The following WDR46 variants were observed in gnomAD, a reference collection of about 807,000 sequenced individuals.
WDR46 encodes the protein WD repeat-containing protein 46.
WDR46 carries 58 observed loss-of-function variants against 74.7 expected under a neutral mutation model. The ratio of observed to expected loss-of-function variants is 0.78; its 90% CI spans 0.63 to 0.97. The LOEUF (loss-of-function observed/expected upper bound fraction) is 0.97. WDR46 is among the 50% of genes least tolerant of loss of function. The pLI, the probability that WDR46 is intolerant of heterozygous loss-of-function variation, is 0.00. For missense variants in WDR46, 702 were observed against 790.1 expected, an observed-to-expected ratio of 0.89 and a Z score of 1.34; for synonymous variants, 278 against 297.3, an observed-to-expected ratio of 0.93 and a Z score of 0.67.
chr6:33,280,895 C>T lies in WDR46; in HGVS notation c.1208G>A (p.Gly403Glu). 6.2e-7 allele frequency: 1 copy of T among 1,614,222 alleles called. No homozygotes were observed. Among genetic ancestry groups the T allele is most frequent in the Non-Finnish European group, 8.5e-7 (1 of 1,180,038 alleles). Reference sequence around the variant, plus strand: ...CTGGGAGAAGGCCAGGTGCCCTGCTCCATGGGGCAGGGTCCGAGTGCTCAG... The same window carrying T: ...CTGGGAGAAGGCCAGGTGCCCTGCTTCATGGGGCAGGGTCCGAGTGCTCAG... ...QPLSTRTLPH[G>E]AGHLAFSQRG... The change falls in exon 11 of 15, where the codon GGA (glycine) becomes GAA (glutamate). Residue 403 changes from glycine to glutamate, a missense_variant. Gly to Glu is a moderately conservative substitution (Grantham distance 98). Transcript: ENST00000374617.
rs766244361 is a variant in WDR46, at chr6:33,288,699, G to A, written c.280-5C>T. 1 of 1,613,330 alleles carries A rather than the reference G, an allele frequency of 6.2e-7. No homozygotes were observed. Among genetic ancestry groups the A allele is most frequent in the East Asian group, 2.2e-5 (1 of 44,874 alleles). Reference sequence around the variant, plus strand: ...GCCTGGGAATGGATCTTGGGTCTAGGGGAAAGGAGGACGCAATTAGCAGAC... The same window carrying A: ...GCCTGGGAATGGATCTTGGGTCTAGAGGAAAGGAGGACGCAATTAGCAGAC... On this transcript the variant is annotated splice_region_variant and splice_polypyrimidine_tract_variant and intron_variant, in intron 2 of 14. Coordinates refer to ENST00000374617, the MANE Select transcript of WDR46 (RefSeq NM_005452.6).
intron 10 of WDR46, among the ~76,000 whole-genome samples, chr6:33,283,223 C>A (rs957328058): frequency 3.3e-5 from 5 of 151,476 alleles, no homozygotes; most frequent in African/African-American, 1.2e-4. Flanking sequence ...AAAAAAGATA[C>A]AATTATGCAA....
chr6:33,287,758 G>C, intron 6 of WDR46, 40 bp from the exon 7 acceptor site: 1 of 1,606,924 alleles, frequency 6.2e-7, no homozygotes, highest in East Asian at 2.2e-5. Flanking sequence ...TAAGGCAGGG[G>C]ACCACCGACT....
chr6:33,279,337 T>A lies in WDR46; in HGVS notation c.1772A>T (p.Lys591Met). 1 of 1,614,246 alleles carries A rather than the reference T, an allele frequency of 6.2e-7. No homozygotes were observed. Among genetic ancestry groups the A allele is most frequent in the Non-Finnish European group, 8.5e-7 (1 of 1,180,048 alleles). ...CCCCGTGGGCTTGGCCTTCGCCTCC[T>A]TATGATGCTGCTGCTGAAGGCTCTG... ...VRQSLQQQHH[K>M]EAKAKPTGAR... is the part of the protein sequence containing the mutation. Residue 591 changes from lysine (K) to methionine (M), a missense_variant, in exon 15 of 15, where the codon AAG becomes ATG. Physicochemically the swap from Lys to Met is moderately conservative, Grantham distance 95. Transcript: ENST00000374617.
At chr6:33,286,753 C>T in intron 10 of WDR46, 42 bp downstream of exon 10, 1 of 1,583,188 alleles carries the variant, frequency 6.3e-7, no homozygotes, top group Non-Finnish European at 8.6e-7. Context: ...CACCTTTCTG[C>T]CCACCTATGA....
rs1766036552 is a variant in WDR46 at position 33,280,311 on chromosome 6, G to A, written c.1524+117C>T. The A allele has an allele frequency of 3.8e-6, 4 of 1,063,958 alleles. 1 individual carries two copies. Among genetic ancestry groups the A allele is most frequent in the Non-Finnish European group, 5.5e-6 (4 of 726,884 alleles). 65.9% of individuals were successfully genotyped at this position (1,063,958 alleles called of 1,614,324 possible). On this transcript the variant is annotated intron_variant, in intron 12 of 14. Transcript: ENST00000374617. The stretch of plus-strand genomic sequence containing the variant: ...GCAGTGGGGAACCTGACCTTCTCCA[G>A]CAGGGGGGAACCTGACCTTCTCCAG...
intron 10 of WDR46, among the ~76,000 whole-genome samples, chr6:33,283,085 T>C (rs1766322606): frequency 6.6e-6 from 1 of 152,096 alleles, no homozygotes; most frequent in Non-Finnish European, 1.5e-5. Flanking sequence ...GGCACACACC[T>C]GTAGTCCCAG....
In WDR46 at chr6:33,288,431, C is replaced by T; in HGVS notation, c.400G>A (p.Val134Met). 3 of 1,614,166 alleles carry T rather than the reference C, an allele frequency of 1.9e-6. No individual in the cohort carries two copies. Among genetic ancestry groups the T allele is most frequent in the Non-Finnish European group, 2.5e-6 (3 of 1,180,044 alleles). The change falls in exon 4 of 15, where the codon GTG becomes ATG. Residue 134 changes from valine to methionine, a missense_variant. Val to Met is a conservative substitution (Grantham distance 21). Transcript: ENST00000374617. ...SKAKTRSRLEVAEAEEEETSI... is the reference protein window; with the variant it reads ...SKAKTRSRLEMAEAEEEETSI... ...GTTTCCTCTTCCTCAGCTTCAGCCA[C>T]CTCAAGTCGGCTTCGAGTTTTGGCT... is the stretch of plus-strand genomic sequence containing the variant.
intron 12 of WDR46, 61 bp downstream of exon 12, chr6:33,280,367 G>T: frequency 6.5e-7 from 1 of 1,530,538 alleles, no homozygotes; most frequent in South Asian, 1.2e-5. Context: ...TCCAGGACGG[G>T]GGAACCTGAC....
intron 13 of WDR46, 22 bp downstream of exon 13, chr6:33,279,742 C>T (rs768450555): frequency 6.2e-7 from 1 of 1,613,492 alleles, no homozygotes; most frequent in Non-Finnish European, 8.5e-7. Flanking sequence ...CGGGCCTGGG[C>T]ATTCAGGGGC....
At chr6:33,282,531 C>T (rs958837535) in intron 10 of WDR46, among the ~76,000 whole-genome samples, 2 of 152,176 alleles carry the variant, frequency 1.3e-5, no homozygotes, top group Admixed American at 6.5e-5. Context: ...AGCAGCAGTT[C>T]GGCTTTGAGA....
chr6:33,286,842 G>A lies in WDR46; in HGVS notation c.1068C>T (p.Leu356=), dbSNP rs756439373. 1 of 1,614,140 alleles carries A rather than the reference G, an allele frequency of 6.2e-7. No homozygotes were observed. Among genetic ancestry groups the A allele is most frequent in the East Asian group, 2.2e-5 (1 of 44,872 alleles). ...PAMKEPLAKI[L]CHRGGVRAVA... is the part of the protein sequence containing the mutation. ...CAGCCCGGACCCCACCACGATGACA[G>A]AGAATCTTTGCCAGTGGCTCCTTCA... Residue 356 remains leucine (L), a synonymous_variant, in exon 10 of 15, where the codon CTC becomes CTT. Coordinates refer to ENST00000374617, the MANE Select transcript of WDR46 (RefSeq NM_005452.6).
chr6:33,289,066 C>T lies in WDR46; in HGVS notation c.69+36G>A, dbSNP rs368294927. 1.9e-6 allele frequency: 3 copies of T among 1,611,138 alleles called. No homozygotes were observed. In the African/African-American group the frequency reaches 4.0e-5, roughly 22 times the overall value. On this transcript the variant is annotated intron_variant, in intron 1 of 14. Coordinates refer to ENST00000374617, the MANE Select transcript of WDR46 (RefSeq NM_005452.6). ...CACGCCCCGCCCCCCGACCCCACAG[C>T]TAAAAACTTCGTTTCCCACCCAGGG... is the stretch of plus-strand genomic sequence containing the variant.
intron 12 of WDR46, among the ~76,000 whole-genome samples, chr6:33,280,147 A>C (rs1225294860): frequency 6.7e-6 from 1 of 148,434 alleles, no homozygotes; most frequent in African/African-American, 2.5e-5. Flanking sequence ...GCAGAGGGAA[A>C]CCTGACCCTC....
chr6:33,287,512 G>T lies in WDR46; in HGVS notation c.729-7C>A, dbSNP rs1452419693. ...TGCCTCAGAATGGAGAAACCTGGGGGAGAGGAAGAGTGGTTCAATTGGGAA... is the reference window on the plus strand; with the variant it reads ...TGCCTCAGAATGGAGAAACCTGGGGTAGAGGAAGAGTGGTTCAATTGGGAA... On this transcript the variant is annotated splice_region_variant and splice_polypyrimidine_tract_variant and intron_variant, in intron 7 of 14. Coordinates refer to ENST00000374617, the MANE Select transcript of WDR46 (RefSeq NM_005452.6). 1 of 1,613,498 alleles carries T rather than the reference G, an allele frequency of 6.2e-7. No homozygotes were observed. The highest frequency in any genetic ancestry group is 8.5e-7 in the Non-Finnish European group (1 of 1,179,962).
At chr6:33,282,414 C>T (rs1407019303) in intron 10 of WDR46, among the ~76,000 whole-genome samples, 6 of 152,194 alleles carry the variant, frequency 3.9e-5, no homozygotes. Flanking sequence ...GGTGAACTAA[C>T]AACTCAAGGA....
At position 33,280,774 on chromosome 6, in the gene WDR46, G is replaced by C; in HGVS notation, c.1329C>G (p.Thr443=). Residue 443 remains threonine, a synonymous_variant, in exon 11 of 15, where the codon ACC becomes ACG. Transcript: ENST00000374617. ...CATGCACAGGGCCTGAGAGCCGGTG[G>C]GTGAGGTAGGGCTGTTCAAGGGAGG... ...SPPSLEQPYL[T]HRLSGPVHGL... is the part of the protein sequence containing the mutation. The C allele has an allele frequency of 6.2e-7, 1 of 1,614,100 alleles. No homozygotes were observed. Among genetic ancestry groups the C allele is most frequent in the South Asian group, 1.1e-5 (1 of 91,074 alleles).
chr6:33,280,688 C>A lies in WDR46; in HGVS notation c.1415G>T (p.Ser472Ile). 6.3e-7 allele frequency: 1 copy of A among 1,584,566 alleles called. No homozygotes were observed. The highest frequency in any genetic ancestry group is 8.6e-7 in the Non-Finnish European group (1 of 1,162,438). Reference sequence around the variant, plus strand: ...GGCCCACTCACCAGGGACCAGCATGCTGGTGATGCCCCCAGTGTGCCCCAC... The same window carrying A: ...GGCCCACTCACCAGGGACCAGCATGATGGTGATGCCCCCAGTGTGCCCCAC... ...LGVGHTGGIT[S>I]MLVPGAGEPN... Residue 472 changes from serine (S) to isoleucine (I), a missense_variant, in exon 11 of 15, where the codon AGC becomes ATC. Transcript: ENST00000374617.
Position 33,287,380 on chromosome 6 carries a change from G to A in WDR46, c.854C>T (p.Pro285Leu), listed in dbSNP as rs768287636. The A allele has an allele frequency of 7.4e-6, 12 of 1,612,490 alleles. No individual in the cohort carries two copies. The South Asian group carries it at 1.3e-4, about 18-fold the overall frequency. The change falls in exon 8 of 15, where the codon CCC becomes CTC. Residue 285 changes from proline (P) to leucine (L), a missense_variant. Pro to Leu is a moderately conservative substitution (Grantham distance 98, BLOSUM62 -3). Coordinates refer to ENST00000374617, the MANE Select transcript of WDR46 (RefSeq NM_005452.6). Reference protein sequence around the residue: ...CDRVTRLEFLPFHFLLATASE... With the variant: ...CDRVTRLEFLLFHFLLATASE... The stretch of plus-strand genomic sequence containing the variant: ...AGCTGTAGCCAGGAGGAAGTGGAAG[G>A]GCAGGAACTCAAGCCGTGTTACTCG...
Sources: gnomAD v4.1 joint callset for allele counts (sites outside exome capture counted in the v4.1 genomes callset) on GRCh38, gnomAD v4.1.1 for gene constraint, MANE v1.5 for transcripts, NCBI Gene and HGNC (gene_info 2026-07-23, HGNC 2026-07-21) for gene names.